FGF17: variants seen among roughly 807,000 people sequenced by gnomAD.
FGF17 encodes fibroblast growth factor 17.
Under a neutral mutation model 23.5 loss-of-function variants are expected in FGF17, and 5 were observed. The observed-to-expected ratio is 0.21, with a 90% CI of 0.11 to 0.45. The LOEUF (loss-of-function observed/expected upper bound fraction) is 0.45. Among genes scored for constraint, FGF17 ranks in the 20% least tolerant of loss-of-function variants. FGF17 has a pLI of 0.99. For missense variants in FGF17, 221 were observed against 306.9 expected (o/e 0.72, Z 2.09); for synonymous variants, 136 against 123.0 (o/e 1.11, Z -0.70).
chr8:22,042,059 C>A (rs995773398), upstream of FGF17, among the ~76,000 whole-genome samples: 245 of 152,300 alleles, frequency 1.6e-3, 1 homozygote, highest in Non-Finnish European at 2.9e-3. Flanking sequence ...CACACTTGAC[C>A]CCCCAACACC....
At position 22,047,863 on chromosome 8, in the gene FGF17, T is replaced by G. The variant is rs184962142; in HGVS notation, c.358-93T>G. 1.9e-5 allele frequency: 25 copies of G among 1,283,832 alleles called. No individual in the cohort carries two copies. In the Admixed American group the frequency reaches 4.6e-4, roughly 24 times the overall value. 79.5% of individuals were successfully genotyped at this position (1,283,832 alleles called of 1,614,324 possible). A position where few individuals can be genotyped will look rare whatever the true frequency, so the allele number is the denominator to read the frequency against. The stretch of plus-strand genomic sequence containing the variant: ...GCTCACGGCCCCGTTGTTCCCGTTG[T>G]CCCTCCTCAGTCGTCCAAAATAGGC... On this transcript the variant is annotated intron_variant, in intron 4 of 4. Transcript: ENST00000359441.
chr8:22,046,014 T>C, intron 2 of FGF17, 100 bp from the exon 3 acceptor site: 1 of 1,603,998 alleles, frequency 6.2e-7, no homozygotes, highest in Non-Finnish European at 8.5e-7. Flanking sequence ...AAGTGGCCTG[T>C]CCCCACTATA....
upstream of FGF17, among the ~76,000 whole-genome samples, chr8:22,040,718 G>A (rs543974029): frequency 2.0e-5 from 3 of 152,308 alleles, no homozygotes; most frequent in Admixed American, 1.3e-4. Context: ...GCATAAATTG[G>A]AACCGTTACC....
At position 22,048,227 on chromosome 8, in the gene FGF17, G is replaced by C. The variant is rs1563367186; in HGVS notation, c.629G>C (p.Arg210Pro). 3.7e-6 allele frequency: 6 copies of C among 1,607,962 alleles called. No homozygotes were observed. The highest frequency in any genetic ancestry group is 4.2e-6 in the Non-Finnish European group (5 of 1,177,858). ...CCCACCCGCCGGACCAAGCGCACAC[G>C]GCGGCCCCAGCCCCTCACGTAGTCT... ...SAPTRRTKRT[R>P]RPQPLT The change falls in exon 5 of 5, where the codon CGG becomes CCG. Residue 210 changes from arginine to proline, a missense_variant. This residue lies in a region of FGF17 where 128 missense variants were observed against 150.4 expected (regional missense o/e 0.85). Coordinates refer to ENST00000359441, the MANE Select transcript of FGF17 (RefSeq NM_003867.4). This position sits in a 1 kb window ranked among gnomAD's most constrained non-coding sequence, Gnocchi z 6.9.
chr8:22,043,739 C>A (rs3176279), intron 2 of FGF17, among the ~76,000 whole-genome samples: 3 of 150,542 alleles, frequency 2.0e-5, no homozygotes, highest in African/African-American at 7.3e-5. Context: ...CACACTCCCC[C>A]CACCCCAAGT....
chr8:22,045,118 C>G (rs775632886), intron 2 of FGF17: 41 of 985,452 alleles, frequency 4.2e-5, no homozygotes, highest in Non-Finnish European at 4.9e-5. Context: ...TCAGTCTCTC[C>G]CACTCAGCCT....
At chr8:22,042,809 C>G, upstream of FGF17, 1 of 973,366 alleles carries the variant, frequency 1.0e-6, no homozygotes, top group Non-Finnish European at 1.6e-6. Context: ...TCCTCGCCCC[C>G]CTGAAAACCT....
upstream of FGF17, chr8:22,042,779 T>C: frequency 1.7e-6 from 1 of 599,154 alleles, no homozygotes. Context: ...TTTTCTCTCC[T>C]CCTCCTCCCC....
intron 2 of FGF17, chr8:22,045,293 T>C (rs921633410): frequency 4.1e-6 from 4 of 985,966 alleles, no homozygotes; most frequent in Non-Finnish European, 4.8e-6. Context: ...GCTAAGGAGC[T>C]GCCTGCCAGG....
chr8:22,042,800 C>A, upstream of FGF17: 1 of 853,232 alleles, frequency 1.2e-6, no homozygotes, highest in East Asian at 2.6e-5. Context: ...TTTCTCTCCT[C>A]CTCGCCCCCC....
At chr8:22,047,835 T>G (rs1800970768) in intron 4 of FGF17, 121 bp from the exon 5 acceptor site, 3 of 959,592 alleles carry the variant, frequency 3.1e-6, no homozygotes, top group East Asian at 5.3e-5. Flanking sequence ...CAGAGTTCCC[T>G]GGGCTCACGG....
chr8:22,044,135 G>A (rs1800801988), intron 2 of FGF17, among the ~76,000 whole-genome samples: 1 of 151,992 alleles, frequency 6.6e-6, no homozygotes, highest in South Asian at 2.1e-4. Context: ...GAGGGGGCTG[G>A]GGGTGGGCCC....
intron 3 of FGF17, 73 bp from the exon 4 acceptor site, chr8:22,046,454 G>T: frequency 6.9e-7 from 1 of 1,442,132 alleles, no homozygotes; most frequent in Non-Finnish European, 9.6e-7. Context: ...CAGTGTGGCT[G>T]GGTGGTCCCC....
At position 22,047,988 on chromosome 8, in the gene FGF17, G is replaced by A. The variant is rs777071506; in HGVS notation, c.390G>A (p.Thr130=). 1.1e-5 allele frequency: 17 copies of A among 1,606,150 alleles called. No homozygotes were observed. Among genetic ancestry groups the A allele is most frequent in the South Asian group, 9.9e-5 (9 of 90,932 alleles). ...GGAAGAGCAAAGACTGCGTGTTCAC[G>A]GAGATCGTGCTGGAGAACAACTATA... The part of the protein sequence containing the change: ...PSGKSKDCVF[T]EIVLENNYTA... Residue 130 remains threonine, a synonymous_variant, in exon 5 of 5, where the codon ACG becomes ACA. Coordinates refer to ENST00000359441, the MANE Select transcript of FGF17 (RefSeq NM_003867.4).
intron 2 of FGF17, 124 bp downstream of exon 2, chr8:22,043,305 G>T: frequency 1.0e-6 from 1 of 976,864 alleles, no homozygotes; most frequent in Non-Finnish European, 1.6e-6. Context: ...GGGTCCAGGA[G>T]GCACTGAGGT....
chr8:22,046,424 C>T, intron 3 of FGF17, 103 bp from the exon 4 acceptor site: 4 of 1,421,512 alleles, frequency 2.8e-6, no homozygotes, highest in Non-Finnish European at 2.9e-6. Flanking sequence ...TCCCCAACCC[C>T]TTCGCCTGAG....
upstream of FGF17, among the ~76,000 whole-genome samples, chr8:22,040,984 C>A (rs1385158289): frequency 6.6e-6 from 1 of 152,160 alleles, no homozygotes; most frequent in Non-Finnish European, 1.5e-5. Flanking sequence ...GGTGGGCACG[C>A]GGGCACCTGG....
At chr8:22,043,225 T>A (rs1800773304) in intron 2 of FGF17, 44 bp downstream of exon 2, 19 of 1,589,086 alleles carry the variant, frequency 1.2e-5, no homozygotes, top group Non-Finnish European at 1.6e-5. Flanking sequence ...TTTTCCACCC[T>A]ACCTGACCAG....
intron 2 of FGF17, chr8:22,045,906 T>A (rs1476277740): frequency 6.1e-6 from 9 of 1,470,470 alleles, no homozygotes; most frequent in African/African-American, 2.8e-5. Context: ...CAGACCCCAG[T>A]CCCTTCTGTA....
Sources: allele counts gnomAD v4.1 joint callset (sites outside exome capture counted in the v4.1 genomes callset), GRCh38; gene constraint gnomAD v4.1.1; regional missense constraint gnomAD v4.1.1; non-coding constraint Gnocchi (gnomAD v3.1); transcripts MANE v1.5; gene names NCBI Gene and HGNC (gene_info 2026-07-23, HGNC 2026-07-21).